The following ATP4A variants were observed in gnomAD, a reference collection of about 807,000 sequenced individuals.
ATP4A encodes potassium-transporting ATPase alpha chain 1.
Under a neutral mutation model 112.1 loss-of-function variants are expected in ATP4A, and 73 were observed. The observed-to-expected ratio is 0.65, with a 90% CI of 0.54 to 0.79. The LOEUF is 0.79. Ranked by LOEUF, ATP4A falls within the 30% of genes least tolerant of loss-of-function variation. ATP4A has a pLI of 0.00. For missense variants in ATP4A, 1,081 were observed against 1,425.9 expected (o/e 0.76, Z 3.90); for synonymous variants, 588 against 588.9 (o/e 1.00, Z 0.02).
In ATP4A at chr19:35,555,411, G is replaced by T. The variant is rs770547384; in HGVS notation, c.2157+29C>A. 2 of 1,604,044 alleles carry T rather than the reference G, an allele frequency of 1.2e-6. No homozygotes were observed. The highest frequency in any genetic ancestry group is 2.2e-5 in the South Asian group (2 of 89,902). On this transcript the variant is annotated intron_variant, in intron 14 of 21. Transcript: ENST00000262623. This position sits in a 1 kb window ranked among gnomAD's most constrained non-coding sequence, Gnocchi z 6.6. ...CAAGACCAGCCCCGCCTGTCTGCCCGCCTGCCCACCCTCATCAGCAGGGCT... is the reference window on the plus strand; with the variant it reads ...CAAGACCAGCCCCGCCTGTCTGCCCTCCTGCCCACCCTCATCAGCAGGGCT...
At chr19:35,563,341 C>G in intron 2 of ATP4A, 43 bp downstream of exon 2, 1 of 1,613,366 alleles carries the variant, frequency 6.2e-7, no homozygotes, top group Non-Finnish European at 8.5e-7. Flanking sequence ...GCCTGGTTCC[C>G]AGCCTACCCT....
rs772888753 is a variant in ATP4A, at chr19:35,555,405, C to G, written c.2157+35G>C. 1.2e-6 allele frequency: 2 copies of G among 1,602,036 alleles called. No individual in the cohort carries two copies. Among genetic ancestry groups the G allele is most frequent in the South Asian group, 1.1e-5 (1 of 89,558 alleles). ...CCGGTCCAAGACCAGCCCCGCCTGT[C>G]TGCCCGCCTGCCCACCCTCATCAGC... is the stretch of plus-strand genomic sequence containing the variant. On this transcript the variant is annotated intron_variant, in intron 14 of 21. Coordinates refer to ENST00000262623, the MANE Select transcript of ATP4A (RefSeq NM_000704.3). The surrounding 1 kb of genome is among the most constrained non-coding windows in gnomAD (Gnocchi z 6.6).
rs1599573191 is a variant in ATP4A, at chr19:35,557,995, G to A, written c.1501-148C>T. 4 of 702,908 alleles carry A rather than the reference G, an allele frequency of 5.7e-6. No individual in the cohort carries two copies. The highest frequency in any genetic ancestry group is 5.7e-5 in the East Asian group (2 of 35,354). The allele number at this position is 702,908 out of a possible 1,614,324, so 43.5% of individuals were successfully genotyped here. On this transcript the variant is annotated intron_variant, in intron 10 of 21. Coordinates refer to ENST00000262623, the MANE Select transcript of ATP4A (RefSeq NM_000704.3). The surrounding 1 kb of genome is among the most constrained non-coding windows in gnomAD (Gnocchi z 4.4). ...GCGGGGAAGGGTGAAGGTGGAAGAT[G>A]GAGGCCTTGTGTGGAGGGGTCCTTG...
rs1344748255 is a variant in ATP4A at position 35,555,192 on chromosome 19, G to A, written c.2300C>T (p.Ala767Val). 6.2e-7 allele frequency: 1 copy of A among 1,614,138 alleles called. No individual in the cohort carries two copies. The highest frequency in any genetic ancestry group is 2.2e-5 in the East Asian group (1 of 44,884). Residue 767 changes from alanine to valine, a missense_variant, in exon 15 of 22, where the codon GCC becomes GTC. Ala to Val is a moderately conservative substitution (Grantham distance 64). This residue lies in a region of ATP4A where 850 missense variants were observed against 1,068.2 expected (regional missense o/e 0.80). Transcript: ENST00000262623. The surrounding 1 kb of genome is among the most constrained non-coding windows in gnomAD (Gnocchi z 6.6). ...ADMILLDDNFASIVTGVEQGR... is the reference protein window; with the variant it reads ...ADMILLDDNFVSIVTGVEQGR... ...CTGCTCCACGCCTGTCACAATGGAG[G>A]CAAAGTTGTCATCCAGCAGGATCAT...
rs574602030 is a variant in ATP4A, at chr19:35,559,711, G to C, written c.1056+94C>G. ...TGGATGGGAGCTAAGTGGACAGATA[G>C]ACAGGCAGGGAGGTGATGGGGGAAA... On this transcript the variant is annotated intron_variant, in intron 7 of 21. Coordinates refer to ENST00000262623, the MANE Select transcript of ATP4A (RefSeq NM_000704.3). This position sits in a 1 kb window ranked among gnomAD's most constrained non-coding sequence, Gnocchi z 4.1. 6.6e-7 allele frequency: 1 copy of C among 1,509,088 alleles called. No homozygotes were observed. The highest frequency in any genetic ancestry group is 8.9e-7 in the Non-Finnish European group (1 of 1,121,518). 93.5% of individuals were successfully genotyped at this position (1,509,088 alleles called of 1,614,324 possible). A position where few individuals can be genotyped will look rare whatever the true frequency, so the allele number is the denominator to read the frequency against.
At chr19:35,561,277 G>T (rs1217141303) in intron 4 of ATP4A, among the ~76,000 whole-genome samples, 3 of 151,970 alleles carry the variant, frequency 2.0e-5, no homozygotes, top group Non-Finnish European at 4.4e-5. Context: ...CCCAAGCCTT[G>T]CATTCCCCAT....
Position 35,558,698 on chromosome 19 carries a change from G to A in ATP4A, c.1256-12C>T, listed in dbSNP as rs1190730384. 2 of 1,579,516 alleles carry A rather than the reference G, an allele frequency of 1.3e-6. No homozygotes were observed. The highest frequency in any genetic ancestry group is 1.8e-5 in the Admixed American group (1 of 54,548). ...GTCAAACGTCTGCCCTGCAGACCAG[G>A]CGTCCAGGCTGGGTCCCGCACGGCG... On this transcript the variant is annotated splice_polypyrimidine_tract_variant and intron_variant, in intron 8 of 21. Transcript: ENST00000262623. The surrounding 1 kb of genome is among the most constrained non-coding windows in gnomAD (Gnocchi z 5.1).
chr19:35,560,451 A>G lies in ATP4A; in HGVS notation c.699T>C (p.Ser233=). The G allele has an allele frequency of 2.5e-6, 4 of 1,613,866 alleles. No homozygotes were observed. The highest frequency in any genetic ancestry group is 2.5e-6 in the Non-Finnish European group (3 of 1,180,016). Residue 233 remains serine (S), a synonymous_variant, in exon 6 of 22, where the codon TCT becomes TCC. Transcript: ENST00000262623. The surrounding 1 kb of genome is among the most constrained non-coding windows in gnomAD (Gnocchi z 5.1). ...ACTCGGGTGAGCGGGTCTGTGGCTC[A>G]GACTCCCCTGTCAGCGAGGAGTTGT... ...KVDNSSLTGE[S]EPQTRSPECT...
In ATP4A at chr19:35,555,759, A is replaced by G; in HGVS notation, c.1923T>C (p.Ser641=). The G allele has an allele frequency of 6.2e-7, 1 of 1,613,898 alleles. No individual in the cohort carries two copies. Among genetic ancestry groups the G allele is most frequent in the Non-Finnish European group, 8.5e-7 (1 of 1,179,814 alleles). ...HPITAKAIAA[S]VGIISEGSET... ...CGCTGCCTTCCGAGATGATGCCCAC[A>G]CTGGCTGCAATGGCCTTGGCGGTGA... The change falls in exon 13 of 22, where the codon AGT becomes AGC. Residue 641 remains serine, a synonymous_variant. Transcript: ENST00000262623. This position sits in a 1 kb window ranked among gnomAD's most constrained non-coding sequence, Gnocchi z 6.6.
rs1599570241 is a variant in ATP4A at position 35,552,891 on chromosome 19, C to G, written c.2751+146G>C. 2 of 623,826 alleles carry G rather than the reference C, an allele frequency of 3.2e-6. 1 individual carries two copies. The highest frequency in any genetic ancestry group is 8.4e-5 in the South Asian group (2 of 23,836). 38.6% of individuals were successfully genotyped at this position (623,826 alleles called of 1,614,324 possible). On this transcript the variant is annotated intron_variant, in intron 18 of 21. Coordinates refer to ENST00000262623, the MANE Select transcript of ATP4A (RefSeq NM_000704.3). Reference sequence around the variant, plus strand: ...CTGGAGATGGTGGGAAAGGCCCTTGCCCCCCCGAACTGGCAGGGAGTCTGG... The same window carrying G: ...CTGGAGATGGTGGGAAAGGCCCTTGGCCCCCCGAACTGGCAGGGAGTCTGG...
chr19:35,559,688 G>A lies in ATP4A; in HGVS notation c.1056+117C>T, dbSNP rs183013492. On this transcript the variant is annotated intron_variant, in intron 7 of 21. Transcript: ENST00000262623. The surrounding 1 kb of genome is among the most constrained non-coding windows in gnomAD (Gnocchi z 4.1). ...TGGATGATGGGAAGGCAGGAGAATG[G>A]ATGGGAGCTAAGTGGACAGATAGAC... The A allele has an allele frequency of 2.8e-4, 402 of 1,437,382 alleles. No homozygotes were observed. The African/African-American group carries it at 5.0e-3, about 18-fold the overall frequency. The allele number at this position is 1,437,382 out of a possible 1,614,324, so 89.0% of individuals were successfully genotyped here.
rs951826181 is a variant in ATP4A at position 35,560,950 on chromosome 19, G to C, written c.421-18C>G. ...AGGTACAGCTGGGGACAGGGAAGGGGTGGGGTTATTCAGAGGGGCCGGAAG... is the reference window on the plus strand; with the variant it reads ...AGGTACAGCTGGGGACAGGGAAGGGCTGGGGTTATTCAGAGGGGCCGGAAG... On this transcript the variant is annotated intron_variant, in intron 4 of 21. Coordinates refer to ENST00000262623, the MANE Select transcript of ATP4A (RefSeq NM_000704.3). This position sits in a 1 kb window ranked among gnomAD's most constrained non-coding sequence, Gnocchi z 5.1. The C allele has an allele frequency of 6.2e-7, 1 of 1,610,770 alleles. No individual in the cohort carries two copies. Among genetic ancestry groups the C allele is most frequent in the Non-Finnish European group, 8.5e-7 (1 of 1,177,204 alleles).
At position 35,557,904 on chromosome 19, in the gene ATP4A, A is replaced by G; in HGVS notation, c.1501-57T>C. 1.6e-6 allele frequency: 1 copy of G among 614,630 alleles called. No individual in the cohort carries two copies. Among genetic ancestry groups the G allele is most frequent in the Non-Finnish European group, 2.3e-6 (1 of 432,518 alleles). The allele number at this position is 614,630 out of a possible 1,614,324, so 38.1% of individuals were successfully genotyped here. On this transcript the variant is annotated intron_variant, in intron 10 of 21. Coordinates refer to ENST00000262623, the MANE Select transcript of ATP4A (RefSeq NM_000704.3). The surrounding 1 kb of genome is among the most constrained non-coding windows in gnomAD (Gnocchi z 4.4). ...ACGGGGGAACGGGGCGGGGCTGTGG[A>G]CGAGGGAACGGGGCGGGGCTGAGGA... is the stretch of plus-strand genomic sequence containing the variant.
intron 4 of ATP4A, 40 bp downstream of exon 4, chr19:35,562,395 G>A (rs2071675989): frequency 6.3e-7 from 1 of 1,592,162 alleles, no homozygotes; most frequent in Non-Finnish European, 8.6e-7. Context: ...TCCATCCCCA[G>A]GTCCCCATGT....
At position 35,558,135 on chromosome 19, in the gene ATP4A, T is replaced by TC. The variant is rs983042383; in HGVS notation, c.1500+226dup. The TC allele has an allele frequency of 4.3e-4, 276 of 638,582 alleles. No individual in the cohort carries two copies. The African/African-American group carries it at 4.7e-3, about 11-fold the overall frequency. 39.6% of individuals were successfully genotyped at this position (638,582 alleles called of 1,614,324 possible). ...GGGGCGGATTTGGAGAGCGAGGTGC[T>TC]CCCCATGGACAGTCCCGCCGAGGAG... On this transcript the variant is annotated intron_variant, in intron 10 of 21. Coordinates refer to ENST00000262623, the MANE Select transcript of ATP4A (RefSeq NM_000704.3). The surrounding 1 kb of genome is among the most constrained non-coding windows in gnomAD (Gnocchi z 5.1).
At chr19:35,563,290 G>T in intron 2 of ATP4A, 22 bp from the exon 3 acceptor site, 1 of 1,613,486 alleles carries the variant, frequency 6.2e-7, no homozygotes, top group Non-Finnish European at 8.5e-7. Flanking sequence ...GGTGGGGCAG[G>T]GTGCTTGCTC....
Position 35,551,200 on chromosome 19 carries a change from G to C in ATP4A, c.2886-89C>G. The C allele has an allele frequency of 7.5e-7, 1 of 1,334,140 alleles. No homozygotes were observed. Among genetic ancestry groups the C allele is most frequent in the Non-Finnish European group, 1.0e-6 (1 of 954,492 alleles). The allele number at this position is 1,334,140 out of a possible 1,614,324, so 82.6% of individuals were successfully genotyped here. ...GTGGGTCAAAGTAGGTCAGATGTCAGCAGCAGCAGGGAGGTGTTCTACACA... is the reference window on the plus strand; with the variant it reads ...GTGGGTCAAAGTAGGTCAGATGTCACCAGCAGCAGGGAGGTGTTCTACACA... On this transcript the variant is annotated intron_variant, in intron 19 of 21. Transcript: ENST00000262623. The surrounding 1 kb of genome is among the most constrained non-coding windows in gnomAD (Gnocchi z 5.2).
At position 35,560,008 on chromosome 19, in the gene ATP4A, C is replaced by T; in HGVS notation, c.853G>A (p.Ala285Thr). Residue 285 changes from alanine (A) to threonine (T), a missense_variant, in exon 7 of 22, where the codon GCG becomes ACG. Physicochemically the swap from Ala to Thr is moderately conservative, Grantham distance 58. Around this residue, in one of 3 missense-constraint regions of ATP4A, gnomAD observed 850 missense variants for 1,068.2 expected, o/e 0.80. Coordinates refer to ENST00000262623, the MANE Select transcript of ATP4A (RefSeq NM_000704.3). This position sits in a 1 kb window ranked among gnomAD's most constrained non-coding sequence, Gnocchi z 5.1. ...GTCTTCTCGTTTTCCACCCCCGACG[C>T]CAGCGATGCGATGCGCCCAATGATG... is the stretch of plus-strand genomic sequence containing the variant. The part of the protein sequence containing the change: ...RTIIGRIASL[A>T]SGVENEKTPI... 1 of 1,614,234 alleles carries T rather than the reference C, an allele frequency of 6.2e-7. No homozygotes were observed. Among genetic ancestry groups the T allele is most frequent in the African/African-American group, 1.3e-5 (1 of 75,058 alleles).
Position 35,557,837 on chromosome 19 carries a change from T to A in ATP4A, c.1511A>T (p.His504Leu), listed in dbSNP as rs774027411. Residue 504 changes from histidine (H) to leucine (L), a missense_variant, in exon 11 of 22, where the codon CAT (histidine) becomes CTT (leucine). Coordinates refer to ENST00000262623, the MANE Select transcript of ATP4A (RefSeq NM_000704.3). This position sits in a 1 kb window ranked among gnomAD's most constrained non-coding sequence, Gnocchi z 4.4. ...CGGGTCCCGCGGGTCCTCCAGCGTA[T>A]GGATGGACAGCTGTGGGCGGGGGGG... ...NSTNKFQLSI[H>L]TLEDPRDPRH... is the part of the protein sequence containing the mutation. 1.4e-6 allele frequency: 2 copies of A among 1,382,094 alleles called. No individual in the cohort carries two copies. The highest frequency in any genetic ancestry group is 9.5e-7 in the Non-Finnish European group (1 of 1,054,648). The allele number at this position is 1,382,094 out of a possible 1,614,324, so 85.6% of individuals were successfully genotyped here. A position where few individuals can be genotyped will look rare whatever the true frequency, so the allele number is the denominator to read the frequency against.
Sources: gnomAD v4.1 joint callset for allele counts (sites outside exome capture counted in the v4.1 genomes callset) on GRCh38, gnomAD v4.1.1 for gene constraint, gnomAD v4.1.1 regional missense constraint, Gnocchi (gnomAD v3.1) non-coding constraint, MANE v1.5 for transcripts, NCBI Gene and HGNC (gene_info 2026-07-23, HGNC 2026-07-21) for gene names.